RBM6: variants seen among roughly 807,000 people sequenced by gnomAD.
RBM6 encodes RNA-binding protein 6.
Under a neutral mutation model 140.4 loss-of-function variants are expected in RBM6, and 23 were observed. The ratio of observed to expected loss-of-function variants is 0.16; its 90% confidence interval spans 0.12 to 0.23. RBM6 has a LOEUF of 0.23. RBM6 is among the 10% of genes least tolerant of loss of function. The pLI, the probability that RBM6 is intolerant of heterozygous loss-of-function variation, is 1.00. For synonymous variants in RBM6, 439 were observed against 475.6 expected (o/e 0.92, Z 1.00); for missense variants, 1,139 against 1,386.7 (o/e 0.82, Z 2.84).
At chr3:49,960,793 G>T (rs2084246312) in intron 1 of RBM6, among the ~76,000 whole-genome samples, 1 of 152,072 alleles carries the variant, frequency 6.6e-6, no homozygotes, top group Admixed American at 6.6e-5. Flanking sequence ...TGATACTACA[G>T]TGCTGTTTCC....
intron 5 of RBM6, among the ~76,000 whole-genome samples, chr3:49,994,121 T>C (rs1433777341): frequency 6.6e-6 from 1 of 152,220 alleles, no homozygotes; most frequent in Non-Finnish European, 1.5e-5. Context: ...TGGAGTGCAG[T>C]AGGCCAGTCA....
At chr3:50,054,485 TA>T in intron 8 of RBM6, 90 bp downstream of exon 8, 1 of 1,102,752 alleles carries the variant, frequency 9.1e-7, no homozygotes, top group East Asian at 2.4e-5. Context: ...TTATCATCCC[TA>T]AATCCAAGTT....
rs569573833 is a variant in RBM6 at position 49,946,544 on chromosome 3, C to CT, written c.-67+6328dup. 5.5e-4 allele frequency among the ~76,000 whole-genome samples: 82 copies of CT among 149,552 alleles called. 2 individuals are homozygous for CT. Among genetic ancestry groups the CT allele is most frequent in the Admixed American group, 1.6e-3 (24 of 14,932 alleles). On this transcript the variant is annotated intron_variant, in intron 1 of 20. Coordinates refer to ENST00000266022, the MANE Select transcript of RBM6 (RefSeq NM_005777.3). ...CATGAGCCACCGCGCCTGGCATTTT[C>CT]TTTTTTTTTGAGACAGAGTCTCACT...
chr3:50,027,420 A>G lies in RBM6; in HGVS notation c.1558-20825A>G, dbSNP rs140224043. 1.3e-4 allele frequency among the ~76,000 whole-genome samples: 20 copies of G among 152,332 alleles called. No individual in the cohort carries two copies. The South Asian group carries it at 2.7e-3, about 21-fold the overall frequency. Reference sequence around the variant, plus strand: ...TTTAGTATATTCATAAAATTGTGCAACTATCACCACTGATACCAGAACATT... The same window carrying G: ...TTTAGTATATTCATAAAATTGTGCAGCTATCACCACTGATACCAGAACATT... On this transcript the variant is annotated intron_variant, in intron 6 of 20. Transcript: ENST00000266022.
rs560959555 is a variant in RBM6 at position 49,979,475 on chromosome 3, C to T, written c.1483+4083C>T. 2.7e-5 allele frequency among the ~76,000 whole-genome samples: 4 copies of T among 149,348 alleles called. No homozygotes were observed. The East Asian group carries it at 7.8e-4, about 29-fold the overall frequency. ...TTTTTTTGAGATGAAATCTTGCTCCCGTTGTGTAGGCAGGAGTGCAGTGGC... is the reference window on the plus strand; with the variant it reads ...TTTTTTTGAGATGAAATCTTGCTCCTGTTGTGTAGGCAGGAGTGCAGTGGC... On this transcript the variant is annotated intron_variant, in intron 5 of 20. Transcript: ENST00000266022.
chr3:50,021,158 G>A lies in RBM6; in HGVS notation c.1557+21645G>A, dbSNP rs191565279. On this transcript the variant is annotated intron_variant, in intron 6 of 20. Coordinates refer to ENST00000266022, the MANE Select transcript of RBM6 (RefSeq NM_005777.3). ...TGAGCTTGAAGAGAATATGTAGTTC[G>A]CTGTTGCTGGATGAAATAGTCTACA... 1.9e-4 allele frequency among the ~76,000 whole-genome samples: 29 copies of A among 152,214 alleles called. 1 individual carries two copies. The highest frequency in any genetic ancestry group is 1.9e-4 in the East Asian group (1 of 5,186).
intron 6 of RBM6, among the ~76,000 whole-genome samples, chr3:50,043,537 TATAC>T (rs577852195): frequency 1.7e-3 from 249 of 150,624 alleles, no homozygotes; most frequent in Non-Finnish European, 2.2e-3. Context: ...TACATATACA[TATAC>T]ATACATACAT....
At chr3:49,979,919 A>G (rs549157746) in intron 5 of RBM6, among the ~76,000 whole-genome samples, 17 of 152,098 alleles carry the variant, frequency 1.1e-4, no homozygotes, top group Non-Finnish European at 1.8e-4. Flanking sequence ...GAATTGTTCT[A>G]TATCTTGATT....
intron 15 of RBM6, among the ~76,000 whole-genome samples, chr3:50,063,461 A>G (rs2090013487): frequency 6.6e-6 from 1 of 151,862 alleles, no homozygotes; most frequent in Non-Finnish European, 1.5e-5. Flanking sequence ...AAATTAGCCT[A>G]CTGTGGTGAT....
At chr3:50,020,290 A>G (rs1417232864) in intron 6 of RBM6, among the ~76,000 whole-genome samples, 1 of 152,020 alleles carries the variant, frequency 6.6e-6, no homozygotes, top group Non-Finnish European at 1.5e-5. Flanking sequence ...ATGTTTATCA[A>G]TTTTATTGAT....
At chr3:50,060,268 C>T (rs757168706) in intron 11 of RBM6, among the ~76,000 whole-genome samples, 4 of 152,206 alleles carry the variant, frequency 2.6e-5, no homozygotes. Context: ...TTCCCCTGAC[C>T]TTGTGCATAT....
chr3:49,952,239 C>G (rs917558068), intron 1 of RBM6, among the ~76,000 whole-genome samples: 11 of 151,946 alleles, frequency 7.2e-5, no homozygotes, highest in Non-Finnish European at 1.3e-4. Flanking sequence ...CCATGTTGGT[C>G]AGGATGGTCT....
chr3:50,051,039 G>GA (rs973064319), intron 7 of RBM6, among the ~76,000 whole-genome samples: 2 of 149,772 alleles, frequency 1.3e-5, no homozygotes, highest in Non-Finnish European at 3.0e-5. Context: ...CCTTTCTAAA[G>GA]AAAAAAAAAG....
chr3:49,972,429 G>A (rs893900769), intron 4 of RBM6, among the ~76,000 whole-genome samples: 3 of 152,126 alleles, frequency 2.0e-5, no homozygotes, highest in Admixed American at 1.3e-4. Flanking sequence ...ACAAATGATT[G>A]CTCTCTTTAG....
At chr3:50,065,562 T>C (rs1171553773) in intron 16 of RBM6, 3 of 457,524 alleles carry the variant, frequency 6.6e-6, no homozygotes, top group Non-Finnish European at 1.3e-5. Flanking sequence ...ATGCTAATAT[T>C]GGTGCCCATT....
At chr3:49,976,493 T>C (rs1268387183) in intron 5 of RBM6, among the ~76,000 whole-genome samples, 4 of 152,228 alleles carry the variant, frequency 2.6e-5, no homozygotes, top group Non-Finnish European at 5.9e-5. Context: ...AGAGTAGATA[T>C]ATTATTATTC....
At chr3:50,035,259 GA>G (rs541099614) in intron 6 of RBM6, among the ~76,000 whole-genome samples, 2 of 152,098 alleles carry the variant, frequency 1.3e-5, no homozygotes, top group South Asian at 4.2e-4. Flanking sequence ...TGAAAGGAAG[GA>G]AAGTACACTT....
intron 1 of RBM6, among the ~76,000 whole-genome samples, chr3:49,947,829 A>C (rs2083561579): frequency 6.6e-6 from 1 of 152,182 alleles, no homozygotes; most frequent in African/African-American, 2.4e-5. Flanking sequence ...TTTGGGAAAA[A>C]GATTGTACTT....
intron 1 of RBM6, among the ~76,000 whole-genome samples, chr3:49,953,968 C>T (rs1376901823): frequency 6.6e-6 from 1 of 151,812 alleles, no homozygotes; most frequent in Non-Finnish European, 1.5e-5. Flanking sequence ...CCTAGGTCTA[C>T]CAGAAATACA....
Sources: gnomAD v4.1 joint callset for allele counts (sites outside exome capture counted in the v4.1 genomes callset) on GRCh38, gnomAD v4.1.1 for gene constraint, MANE v1.5 for transcripts, NCBI Gene and HGNC (gene_info 2026-07-23, HGNC 2026-07-21) for gene names.